NLGN1: variants seen among roughly 807,000 people sequenced by gnomAD.
The protein encoded by NLGN1 is neuroligin-1.
NLGN1 carries 12 observed loss-of-function variants against 65.5 expected under a neutral mutation model. The observed-to-expected ratio is 0.18, with a 90% confidence interval of 0.12 to 0.30. The LOEUF (loss-of-function observed/expected upper bound fraction) is 0.30, where lower values mean the gene tolerates loss of function less well. Ranked by LOEUF, NLGN1 falls within the 10% of genes least tolerant of loss-of-function variation. The probability of loss-of-function intolerance (pLI) is 1.00; values close to 1 mark genes in which losing one functional copy is unlikely to be tolerated. For missense variants in NLGN1, 750 were observed against 1,007.1 expected (o/e 0.74, Z 3.46); for synonymous variants, 350 against 359.5 (o/e 0.97, Z 0.30).
intron 4 of NLGN1, among the ~76,000 whole-genome samples, chr3:174,247,833 C>G (rs1744075509): frequency 6.6e-6 from 1 of 152,182 alleles, no homozygotes; most frequent in Non-Finnish European, 1.5e-5. Flanking sequence ...CTGCTTTGCT[C>G]CAATGTCTGA....
intron 2 of NLGN1, among the ~76,000 whole-genome samples, chr3:173,516,461 A>G (rs1733833932): frequency 6.6e-6 from 1 of 152,044 alleles, no homozygotes; most frequent in African/African-American, 2.4e-5. Context: ...AACTTTTTGT[A>G]TCAGCTAATG....
chr3:174,280,606 C>G lies in NLGN1; in HGVS notation c.1775C>G (p.Pro592Arg). The change falls in exon 7 of 7, where the codon CCA (proline) becomes CGA (arginine). Residue 592 changes from proline to arginine, a missense_variant. Physicochemically the swap from Pro to Arg is moderately radical, Grantham distance 103. Transcript: ENST00000457714. The surrounding 1 kb of genome is among the most constrained non-coding windows in gnomAD (Gnocchi z 4.9). The stretch of plus-strand genomic sequence containing the variant: ...CTTTATCTCCATATTGGATTAAAAC[C>G]AAGAGTTAAAGAACATTACAGAGCC... 2.5e-6 allele frequency: 4 copies of G among 1,613,088 alleles called. No individual in the cohort carries two copies. Among genetic ancestry groups the G allele is most frequent in the Non-Finnish European group, 2.5e-6 (3 of 1,179,442 alleles).
intron 3 of NLGN1, among the ~76,000 whole-genome samples, chr3:173,746,364 G>A (rs1006683031): frequency 2.0e-5 from 3 of 152,192 alleles, no homozygotes; most frequent in Admixed American, 1.3e-4. Context: ...TCAAGATAAA[G>A]TTTAAAATGC....
At chr3:174,260,215 G>A (rs1333540896) in intron 4 of NLGN1, among the ~76,000 whole-genome samples, 1 of 150,690 alleles carries the variant, frequency 6.6e-6, no homozygotes, top group African/African-American at 2.5e-5. Context: ...TGGGATGGCT[G>A]GGTCAAATGG....
intron 4 of NLGN1, among the ~76,000 whole-genome samples, chr3:174,271,131 T>C (rs1231580813): frequency 2.0e-5 from 3 of 151,818 alleles, no homozygotes; most frequent in Non-Finnish European, 4.4e-5. Context: ...TAATGTGGAC[T>C]AAAAAGAATA....
chr3:173,419,992 T>C (rs1714684353), intron 1 of NLGN1, among the ~76,000 whole-genome samples: 1 of 141,990 alleles, frequency 7.0e-6, no homozygotes, highest in African/African-American at 2.7e-5. Flanking sequence ...TAAAATAAAA[T>C]AAAATAAAGT....
intron 4 of NLGN1, among the ~76,000 whole-genome samples, chr3:174,066,193 A>G (rs1006018871): frequency 3.3e-5 from 5 of 152,162 alleles, no homozygotes; most frequent in African/African-American, 1.2e-4. Context: ...CTAATTATTT[A>G]TGATCTCACT....
At chr3:173,636,498 ATTTGT>A (rs1756614839) in intron 3 of NLGN1, among the ~76,000 whole-genome samples, 1 of 151,216 alleles carries the variant, frequency 6.6e-6, no homozygotes, top group Non-Finnish European at 1.5e-5. Context: ...ATTTAATTTA[ATTTGT>A]TTTGTTTTGT....
chr3:173,777,160 G>A (rs1283093462), intron 3 of NLGN1, among the ~76,000 whole-genome samples: 5 of 152,010 alleles, frequency 3.3e-5, no homozygotes, highest in East Asian at 1.9e-4. Context: ...CCTAATAGGC[G>A]TTTGAAAAGA....
chr3:173,616,692 C>G (rs1461907600), intron 3 of NLGN1, among the ~76,000 whole-genome samples: 1 of 152,082 alleles, frequency 6.6e-6, no homozygotes, highest in Non-Finnish European at 1.5e-5. Context: ...CCTTCCTTCT[C>G]CATTTCTCGC....
chr3:173,484,396 A>G (rs890202456), intron 2 of NLGN1, among the ~76,000 whole-genome samples: 39 of 152,118 alleles, frequency 2.6e-4, no homozygotes, highest in African/African-American at 8.4e-4. Flanking sequence ...AAAATTTTCT[A>G]TTTGTTAAAC....
intron 4 of NLGN1, among the ~76,000 whole-genome samples, chr3:174,109,200 T>C (rs1328615814): frequency 6.6e-6 from 1 of 152,026 alleles, no homozygotes; most frequent in Non-Finnish European, 1.5e-5. Flanking sequence ...AACAAGTGCC[T>C]TCTAATTATT....
At chr3:174,066,555 T>TC (rs1223264038) in intron 4 of NLGN1, among the ~76,000 whole-genome samples, 4 of 147,544 alleles carry the variant, frequency 2.7e-5, no homozygotes, top group Non-Finnish European at 5.9e-5. Flanking sequence ...TCTCTCTCTC[T>TC]CTCTCTCTCT....
intron 2 of NLGN1, among the ~76,000 whole-genome samples, chr3:173,570,391 G>A (rs1744455559): frequency 6.6e-6 from 1 of 152,148 alleles, no homozygotes. Context: ...GAAGGGAAGT[G>A]GCCAGCTTGG....
At chr3:173,628,693 GTTATTA>G (rs1374221761) in intron 3 of NLGN1, among the ~76,000 whole-genome samples, 1 of 151,276 alleles carries the variant, frequency 6.6e-6, no homozygotes, top group Admixed American at 6.6e-5. Flanking sequence ...TTTTATTTAT[GTTATTA>G]TTATTATTAT....
chr3:174,144,159 T>C (rs1722782836), intron 4 of NLGN1, among the ~76,000 whole-genome samples: 1 of 152,216 alleles, frequency 6.6e-6, no homozygotes, highest in Non-Finnish European at 1.5e-5. Context: ...AGTGAGAACA[T>C]GCAGTGTTTG....
intron 2 of NLGN1, among the ~76,000 whole-genome samples, chr3:173,521,781 T>C (rs13065835): frequency 0.43 from 64,981 of 152,050 alleles, 15,366 homozygotes; most frequent in East Asian, 0.82. Context: ...CAGTTAATAC[T>C]ATGAGGTATA....
intron 4 of NLGN1, among the ~76,000 whole-genome samples, chr3:174,234,931 T>C (rs1741398122): frequency 1.3e-5 from 2 of 150,756 alleles, no homozygotes; most frequent in African/African-American, 2.4e-5. Context: ...CTCCCTTTGA[T>C]GCATTTTTTA....
intron 4 of NLGN1, among the ~76,000 whole-genome samples, chr3:173,883,126 A>G (rs1033483331): frequency 1.3e-5 from 2 of 148,844 alleles, no homozygotes; most frequent in Non-Finnish European, 1.5e-5. Context: ...TTGACTTTTA[A>G]CATGTCTTTC....
Sources: gnomAD v4.1 joint callset for allele counts (sites outside exome capture counted in the v4.1 genomes callset) on GRCh38, gnomAD v4.1.1 for gene constraint, Gnocchi (gnomAD v3.1) non-coding constraint, MANE v1.5 for transcripts, NCBI Gene and HGNC (gene_info 2026-07-23, HGNC 2026-07-21) for gene names.